The following ABCB1 variants were observed in gnomAD, a reference collection of about 807,000 sequenced individuals.
The protein encoded by ABCB1 is ATP binding cassette subfamily B member 1.
A neutral mutation model predicts 142.0 loss-of-function variants in ABCB1; 69 were observed. The ratio of observed to expected loss-of-function variants is 0.49; its 90% CI spans 0.40 to 0.59. The LOEUF (loss-of-function observed/expected upper bound fraction) is 0.59, where lower values mean the gene tolerates loss of function less well. Among genes scored for constraint, ABCB1 ranks in the 20% least tolerant of loss-of-function variants. The probability of loss-of-function intolerance (pLI) is 0.00; values close to 1 mark genes in which losing one functional copy is unlikely to be tolerated. For synonymous variants in ABCB1, 532 were observed against 539.2 expected (o/e 0.99, Z 0.18); for missense variants, 1,326 against 1,554.7 (o/e 0.85, Z 2.47).
chr7:87,703,640 T>C (rs1042759486), intron 1 of ABCB1, among the ~76,000 whole-genome samples: 1 of 152,054 alleles, frequency 6.6e-6, no homozygotes, highest in Non-Finnish European at 1.5e-5. Flanking sequence ...GTAAATTTCT[T>C]CATTTGTAAA....
At chr7:87,647,889 A>G (rs572970088) in intron 1 of ABCB1, among the ~76,000 whole-genome samples, 1 of 152,284 alleles carries the variant, frequency 6.6e-6, no homozygotes, top group Admixed American at 6.5e-5. Flanking sequence ...ACAGAAAAGA[A>G]ATGGAAAATG....
rs1819382120 is a variant in ABCB1 at position 87,600,107 on chromosome 7, A to C, written c.68+10T>G. 2 of 1,610,650 alleles carry C rather than the reference A, an allele frequency of 1.2e-6. No homozygotes were observed. The highest frequency in any genetic ancestry group is 2.7e-5 in the African/African-American group (2 of 74,886). ...CTATGTAAACTATGAAAATGAAACAAGCTAGTTACCTTTTATTGTTCAGTT... is the reference window on the plus strand; with the variant it reads ...CTATGTAAACTATGAAAATGAAACACGCTAGTTACCTTTTATTGTTCAGTT... On this transcript the variant is annotated intron_variant, in intron 2 of 27. Transcript: ENST00000622132.
At chr7:87,672,305 C>G (rs1825902006) in intron 1 of ABCB1, among the ~76,000 whole-genome samples, 1 of 152,206 alleles carries the variant, frequency 6.6e-6, no homozygotes, top group Non-Finnish European at 1.5e-5. Context: ...GGGATCCTTT[C>G]CACCTCTGGT....
chr7:87,518,223 G>A (rs1815336508), intron 23 of ABCB1, among the ~76,000 whole-genome samples: 4 of 152,174 alleles, frequency 2.6e-5, no homozygotes, highest in Admixed American at 2.6e-4. Context: ...AATACCGATA[G>A]TTAATCTTGG....
intron 2 of ABCB1, among the ~76,000 whole-genome samples, chr7:87,599,656 C>A (rs1012471487): frequency 5.3e-5 from 8 of 152,126 alleles, no homozygotes; most frequent in Non-Finnish European, 8.8e-5. Context: ...TGACTAAGAA[C>A]GGTTGGATAG....
chr7:87,585,710 GA>G, intron 3 of ABCB1, 30 bp from the exon 4 acceptor site: 1 of 1,607,954 alleles, frequency 6.2e-7, no homozygotes. Flanking sequence ...AATAGCAGAG[GA>G]AAAATTAGTA....
intron 1 of ABCB1, among the ~76,000 whole-genome samples, chr7:87,631,752 G>T (rs1039669061): frequency 4.6e-5 from 7 of 152,108 alleles, no homozygotes; most frequent in African/African-American, 1.4e-4. Flanking sequence ...GAAAGAAGTT[G>T]ATCTGGTGGA....
intron 26 of ABCB1, chr7:87,506,270 T>C (rs1158514692): frequency 1.9e-6 from 1 of 530,674 alleles, no homozygotes; most frequent in African/African-American, 1.9e-5. Flanking sequence ...TGTTTTAGTG[T>C]AAACAGGTCA....
chr7:87,626,728 C>T (rs111560505), intron 1 of ABCB1, among the ~76,000 whole-genome samples: 2 of 68,710 alleles, frequency 2.9e-5, no homozygotes, highest in Non-Finnish European at 6.0e-5. Context: ...ATATATGTGT[C>T]ATATATATGT....
At chr7:87,585,419 A>G in intron 4 of ABCB1, 93 bp downstream of exon 4, 1 of 1,233,404 alleles carries the variant, frequency 8.1e-7, no homozygotes, top group East Asian at 2.4e-5. Flanking sequence ...TAAACACACT[A>G]ATGTGTATTT....
chr7:87,550,544 T>C lies in ABCB1; in HGVS notation c.1148A>G (p.His383Arg). ...ATTTCCCTTAATATTATCTGGTTTG[T>C]GCCCACTCTTCGAATAGCTGTCAAT... Reference protein sequence around the residue: ...PSIDSYSKSGHKPDNIKGNLE... With the variant: ...PSIDSYSKSGRKPDNIKGNLE... The change falls in exon 11 of 28, where the codon CAC (histidine) becomes CGC (arginine). Residue 383 changes from histidine (H) to arginine (R), a missense_variant. Coordinates refer to ENST00000622132, the MANE Select transcript of ABCB1 (RefSeq NM_001348946.2). 4 of 1,613,614 alleles carry C rather than the reference T, an allele frequency of 2.5e-6. No homozygotes were observed. In the African/African-American group the frequency reaches 4.0e-5, roughly 16 times the overall value.
At chr7:87,530,687 A>G (rs1033213498) in intron 21 of ABCB1, among the ~76,000 whole-genome samples, 11 of 152,016 alleles carry the variant, frequency 7.2e-5, no homozygotes, top group Non-Finnish European at 1.5e-4. Flanking sequence ...GATATAATAA[A>G]TACCCCTAGC....
At chr7:87,677,300 C>CACAT (rs1826467825) in intron 1 of ABCB1, among the ~76,000 whole-genome samples, 1 of 149,044 alleles carries the variant, frequency 6.7e-6, no homozygotes, top group Admixed American at 6.7e-5. Flanking sequence ...CACACACACA[C>CACAT]ACACACACAC....
intron 21 of ABCB1, chr7:87,522,374 T>G: frequency 1.4e-6 from 1 of 714,692 alleles, no homozygotes; most frequent in Non-Finnish European, 2.6e-6. Flanking sequence ...CTATGGCAGT[T>G]CCAGTAGCAG....
chr7:87,537,358 G>A (rs1816344748), intron 19 of ABCB1, among the ~76,000 whole-genome samples: 1 of 152,142 alleles, frequency 6.6e-6, no homozygotes. Context: ...TTGGGCAGTG[G>A]GATATGATTT....
chr7:87,650,904 A>G lies in ABCB1; in HGVS notation c.-330-49826T>C, dbSNP rs777538773. ...TCCTGAATTTAACAATTTTGCAGCT[A>G]TTTTGGAACAGATTTTAAGCCACCG... On this transcript the variant is annotated intron_variant, in intron 1 of 28. Coordinates refer to the ABCB1 transcript ENST00000265724. The G allele has an allele frequency of 1.3e-5, 21 of 1,611,900 alleles. No homozygotes were observed. The highest frequency in any genetic ancestry group is 5.0e-5 in the Admixed American group (3 of 59,950).
chr7:87,561,174 A>G (rs1024809539), intron 8 of ABCB1, 89 bp downstream of exon 8: 1 of 1,492,300 alleles, frequency 6.7e-7, no homozygotes, highest in Non-Finnish European at 9.2e-7. Context: ...TATATGGGAG[A>G]AAATGCTTAT....
intron 1 of ABCB1, among the ~76,000 whole-genome samples, chr7:87,633,404 T>A (rs539722974): frequency 5.3e-5 from 8 of 152,334 alleles, no homozygotes; most frequent in African/African-American, 1.9e-4. Flanking sequence ...TGAATCTGCC[T>A]CTATGAATAT....
intron 1 of ABCB1, among the ~76,000 whole-genome samples, chr7:87,623,680 C>A (rs1302503865): frequency 6.6e-6 from 1 of 152,064 alleles, no homozygotes; most frequent in African/African-American, 2.4e-5. Flanking sequence ...CTTCTCTTGA[C>A]TTACTCTCAC....
Sources: gnomAD v4.1 joint callset for allele counts (sites outside exome capture counted in the v4.1 genomes callset) on GRCh38, gnomAD v4.1.1 for gene constraint, MANE v1.5 for transcripts, NCBI Gene and HGNC (gene_info 2026-07-23, HGNC 2026-07-21) for gene names.